TENM1: variants seen among roughly 807,000 people sequenced by gnomAD.
TENM1 encodes the protein teneurin-1.
A neutral mutation model predicts 174.8 loss-of-function variants in TENM1; 35 were observed. The ratio of observed to expected loss-of-function variants is 0.20; its 90% CI spans 0.15 to 0.27. TENM1 has a LOEUF of 0.27. Among genes scored for constraint, TENM1 ranks in the 10% least tolerant of loss-of-function variants. The probability of loss-of-function intolerance (pLI) is 1.00; values close to 1 mark genes in which losing one functional copy is unlikely to be tolerated. For synonymous variants in TENM1, 781 were observed against 798.7 expected (o/e 0.98, Z 0.37); for missense variants, 1,633 against 2,130.1 (o/e 0.77, Z 4.59).
chrX:124,546,766 G>T, intron 15 of TENM1, 108 bp downstream of exon 18: 1 of 665,275 alleles, frequency 1.5e-6, no homozygotes, highest in Non-Finnish European at 2.3e-6. Context: ...AATGAACGTG[G>T]ATTATGTGGA....
chrX:124,637,807 T>C (rs1037187040), intron 11 of TENM1, among the ~76,000 whole-genome samples: 1 of 112,346 alleles, frequency 8.9e-6, no homozygotes, highest in Non-Finnish European at 1.9e-5. Context: ...ACTATAGATG[T>C]TTCATCCTTC....
At chrX:124,466,222 A>G (rs1466561557) in intron 22 of TENM1, among the ~76,000 whole-genome samples, 2 of 112,370 alleles carry the variant, frequency 1.8e-5, no homozygotes, top group Non-Finnish European at 3.7e-5. Flanking sequence ...TACTTTATAT[A>G]TATAAACACA....
chrX:124,618,046 T>C (rs1432978347), intron 11 of TENM1, among the ~76,000 whole-genome samples: 1 of 112,364 alleles, frequency 8.9e-6, no homozygotes, highest in African/African-American at 3.2e-5. Flanking sequence ...GTCAGTATAC[T>C]TAAGTCAGTA....
intron 11 of TENM1, among the ~76,000 whole-genome samples, chrX:124,572,830 A>G (rs2049086082): frequency 9.0e-6 from 1 of 111,610 alleles, no homozygotes; most frequent in Non-Finnish European, 1.9e-5. Flanking sequence ...CCTTTACATA[A>G]AATTTTAAAA....
At chrX:124,670,274 A>G (rs188216152) in intron 6 of TENM1, among the ~76,000 whole-genome samples, 2 of 112,169 alleles carry the variant, frequency 1.8e-5, no homozygotes, top group East Asian at 5.6e-4. Context: ...CAGACAGATA[A>G]ATTCTGATTT....
chrX:125,186,899 A>C, the TENM1 span, among the ~76,000 whole-genome samples: 3 of 112,151 alleles, frequency 2.7e-5, no homozygotes, highest in Admixed American at 2.8e-4. Flanking sequence ...CACTTGAGAG[A>C]TACACTTCTT....
At chrX:124,542,487 A>G (rs2148108859) in intron 15 of TENM1, among the ~76,000 whole-genome samples, 1 of 107,610 alleles carries the variant, frequency 9.3e-6, no homozygotes, top group Non-Finnish European at 1.9e-5. Flanking sequence ...ATTTGGTCCT[A>G]ATTCTAGAAA....
intron 3 of TENM1, among the ~76,000 whole-genome samples, chrX:124,845,796 G>A (rs745503503): frequency 3.6e-5 from 4 of 110,090 alleles, no homozygotes; most frequent in African/African-American, 6.6e-5. Context: ...ATATCCTAGA[G>A]AAAAGTCTGG....
At chrX:125,076,826 T>C in the TENM1 span, among the ~76,000 whole-genome samples, 3 of 111,699 alleles carry the variant, frequency 2.7e-5, no homozygotes, top group Non-Finnish European at 5.7e-5. Flanking sequence ...CCCTTTTGTG[T>C]TTTAGGGTAT....
intron 3 of TENM1, among the ~76,000 whole-genome samples, chrX:124,767,043 C>A (rs910876779): frequency 3.6e-5 from 4 of 111,461 alleles, no homozygotes; most frequent in African/African-American, 1.3e-4. Flanking sequence ...ACATATAGTA[C>A]AAAATCATTA....
chrX:124,601,518 C>T (rs192855442), intron 11 of TENM1, among the ~76,000 whole-genome samples: 8 of 111,042 alleles, frequency 7.2e-5, no homozygotes, highest in Admixed American at 4.8e-4. Flanking sequence ...GAGGCAAGGG[C>T]ATCCATTGAG....
At chrX:124,690,498 T>A (rs1453590475) in intron 5 of TENM1, among the ~76,000 whole-genome samples, 2 of 108,526 alleles carry the variant, frequency 1.8e-5, no homozygotes, top group Non-Finnish European at 3.8e-5. Context: ...TGTGTGTGTG[T>A]GTGTGTGTGT....
chrX:124,398,382 G>A (rs2060362652), intron 27 of TENM1, among the ~76,000 whole-genome samples: 1 of 109,479 alleles, frequency 9.1e-6, no homozygotes, highest in Non-Finnish European at 1.9e-5. Context: ...ACAATCAAAA[G>A]CTTACTTAAG....
At chrX:124,482,493 C>T (rs866793861) in intron 21 of TENM1, among the ~76,000 whole-genome samples, 2 of 111,542 alleles carry the variant, frequency 1.8e-5, no homozygotes, top group African/African-American at 6.5e-5. Context: ...AAGGGAGGAT[C>T]ATGCTGGAGA....
At chrX:124,587,358 A>G (rs1436626004) in intron 11 of TENM1, among the ~76,000 whole-genome samples, 30 of 108,096 alleles carry the variant, frequency 2.8e-4, no homozygotes, top group Non-Finnish European at 4.6e-4. Flanking sequence ...CCAATGGAAC[A>G]GAATAGAGCC....
At chrX:125,167,026 A>G in the TENM1 span, among the ~76,000 whole-genome samples, 1 of 111,900 alleles carries the variant, frequency 8.9e-6, no homozygotes, top group Non-Finnish European at 1.9e-5. Flanking sequence ...AAAACTGACT[A>G]AATATTTGGC....
At position 124,476,532 on chromosome X, in the gene TENM1, G is replaced by A. The variant is rs1161368622; in HGVS notation, c.3949+5200C>T. 4.5e-5 allele frequency among the ~76,000 whole-genome samples: 5 copies of A among 111,648 alleles called. 1 individual carries two copies. Among genetic ancestry groups the A allele is most frequent in the African/African-American group, 1.6e-4 (5 of 30,665 alleles). ...CTAAGTTCTGCTCCTGCTGAGTTCT[G>A]GCGTCAGTTTGCCTGAAGATGTACA... On this transcript the variant is annotated intron_variant, in intron 22 of 31. Coordinates refer to ENST00000422452, the Ensembl canonical transcript of TENM1.
At chrX:125,066,044 G>A in the TENM1 span, among the ~76,000 whole-genome samples, 1 of 112,144 alleles carries the variant, frequency 8.9e-6, no homozygotes, top group Non-Finnish European at 1.9e-5. Flanking sequence ...AGGAAGATGT[G>A]TCATCCTTGC....
intron 3 of TENM1, among the ~76,000 whole-genome samples, chrX:124,746,709 A>G (rs937401090): frequency 7.1e-5 from 8 of 111,944 alleles, no homozygotes; most frequent in Non-Finnish European, 1.5e-4. Flanking sequence ...AACTATGTGT[A>G]GATTGCACTT....
Sources: gnomAD v4.1 joint callset for allele counts (sites outside exome capture counted in the v4.1 genomes callset) on GRCh38, gnomAD v4.1.1 for gene constraint, MANE v1.5 for transcripts, NCBI Gene and HGNC (gene_info 2026-07-23, HGNC 2026-07-21) for gene names.